The following PPP1R9A variants were observed in gnomAD, a reference collection of about 807,000 sequenced individuals.
PPP1R9A encodes the protein neurabin-1.
A neutral mutation model predicts 141.9 loss-of-function variants in PPP1R9A; 59 were observed. That is an observed-to-expected ratio of 0.42 (90% CI 0.34 to 0.52). PPP1R9A has a LOEUF of 0.52. Among genes scored for constraint, PPP1R9A ranks in the 20% least tolerant of loss-of-function variants. The pLI is 0.10. For synonymous variants in PPP1R9A, 500 were observed against 569.7 expected, an observed-to-expected ratio of 0.88 and a Z score of 1.74; for missense variants, 1,444 against 1,611.9, an observed-to-expected ratio of 0.90 and a Z score of 1.78.
intron 5 of PPP1R9A, among the ~76,000 whole-genome samples, chr7:95,168,065 A>G (rs928743360): frequency 6.6e-6 from 1 of 152,196 alleles, no homozygotes; most frequent in African/African-American, 2.4e-5. Context: ...GTAAGAAACC[A>G]AGTACGGCTC....
chr7:95,079,855 T>C (rs1227743135), intron 2 of PPP1R9A, among the ~76,000 whole-genome samples: 1 of 152,184 alleles, frequency 6.6e-6, no homozygotes, highest in Non-Finnish European at 1.5e-5. Flanking sequence ...ATTATCTCAA[T>C]AGATGCAGAA....
At chr7:95,145,501 A>G (rs181095419) in intron 4 of PPP1R9A, among the ~76,000 whole-genome samples, 46 of 152,354 alleles carry the variant, frequency 3.0e-4, no homozygotes, top group Admixed American at 2.8e-3. Flanking sequence ...CAAAAAATAG[A>G]AAAAAAGTAG....
chr7:95,082,882 A>G (rs1166007288), intron 2 of PPP1R9A, among the ~76,000 whole-genome samples: 1 of 150,468 alleles, frequency 6.6e-6, no homozygotes, highest in Non-Finnish European at 1.5e-5. Context: ...CAGCCTCCCA[A>G]GTAGCTGGGA....
chr7:95,106,608 A>T (rs1326107064), intron 2 of PPP1R9A, among the ~76,000 whole-genome samples: 1 of 152,186 alleles, frequency 6.6e-6, no homozygotes, highest in Non-Finnish European at 1.5e-5. Context: ...GGGCTATTAC[A>T]GATAGTGCTG....
At chr7:95,024,148 CTGT>C (rs548795728) in intron 2 of PPP1R9A, among the ~76,000 whole-genome samples, 174 of 152,106 alleles carry the variant, frequency 1.1e-3, no homozygotes, top group African/African-American at 4.1e-3. Context: ...ATCTGAGAGA[CTGT>C]TAAGATTTCC....
intron 2 of PPP1R9A, among the ~76,000 whole-genome samples, chr7:94,942,847 A>G (rs1795491249): frequency 6.9e-6 from 1 of 145,174 alleles, no homozygotes; most frequent in African/African-American, 2.7e-5. Context: ...ATAAATAAAT[A>G]AATAAATAAA....
chr7:95,280,125 G>A (rs1412643901), intron 16 of PPP1R9A, among the ~76,000 whole-genome samples: 1 of 152,076 alleles, frequency 6.6e-6, no homozygotes, highest in African/African-American at 2.4e-5. Context: ...TATCCATTAG[G>A]GTCTCTAGAT....
intron 2 of PPP1R9A, among the ~76,000 whole-genome samples, chr7:95,088,059 T>C (rs980113775): frequency 2.6e-5 from 4 of 151,984 alleles, no homozygotes; most frequent in African/African-American, 9.7e-5. Flanking sequence ...AGATACACTA[T>C]ATTGTTTGAG....
chr7:94,928,608 C>T (rs1053446353), intron 2 of PPP1R9A, among the ~76,000 whole-genome samples: 1 of 152,212 alleles, frequency 6.6e-6, no homozygotes, highest in Non-Finnish European at 1.5e-5. Context: ...CACCTCACCA[C>T]CTACAGTCAT....
intron 4 of PPP1R9A, among the ~76,000 whole-genome samples, chr7:95,157,524 G>C (rs774274783): frequency 6.6e-6 from 1 of 152,146 alleles, no homozygotes; most frequent in Non-Finnish European, 1.5e-5. Flanking sequence ...AAGGGCTTAC[G>C]CTTGTCCCCT....
chr7:95,111,142 A>G, intron 2 of PPP1R9A, 117 bp from the exon 3 acceptor site: 1 of 1,134,614 alleles, frequency 8.8e-7, no homozygotes, highest in Non-Finnish European at 1.2e-6. Context: ...GATTTTAAAG[A>G]CAAAACAGTT....
At chr7:95,103,159 T>C in intron 2 of PPP1R9A, among the ~76,000 whole-genome samples, 1 of 152,096 alleles carries the variant, frequency 6.6e-6, no homozygotes. Context: ...TTGGATTTGC[T>C]AGTCCCTACT....
At chr7:94,973,617 T>C (rs1016169126) in intron 2 of PPP1R9A, among the ~76,000 whole-genome samples, 10 of 152,242 alleles carry the variant, frequency 6.6e-5, no homozygotes, top group African/African-American at 2.2e-4. Flanking sequence ...GATTAGATAG[T>C]GTCAGAATTA....
At chr7:95,137,199 A>T (rs535580816) in intron 4 of PPP1R9A, among the ~76,000 whole-genome samples, 4 of 151,480 alleles carry the variant, frequency 2.6e-5, no homozygotes, top group African/African-American at 7.3e-5. Flanking sequence ...CTCATCATTT[A>T]CATTAGGTAT....
intron 2 of PPP1R9A, among the ~76,000 whole-genome samples, chr7:94,988,053 G>T (rs1801062754): frequency 6.6e-6 from 1 of 152,038 alleles, no homozygotes; most frequent in African/African-American, 2.4e-5. Flanking sequence ...TGGATCAGAG[G>T]TTCATTACCC....
chr7:95,287,422 T>A (rs2115932959), intron 18 of PPP1R9A, among the ~76,000 whole-genome samples: 1 of 152,298 alleles, frequency 6.6e-6, no homozygotes, highest in African/African-American at 2.4e-5. Flanking sequence ...TGCCTTCATC[T>A]CAGCTTACCC....
intron 2 of PPP1R9A, among the ~76,000 whole-genome samples, chr7:95,087,113 T>A (rs1476094806): frequency 6.6e-6 from 1 of 151,992 alleles, no homozygotes; most frequent in Non-Finnish European, 1.5e-5. Flanking sequence ...TACTGAGTGT[T>A]CAAATTATGG....
intron 2 of PPP1R9A, among the ~76,000 whole-genome samples, chr7:95,103,537 T>G (rs568698442): frequency 6.6e-6 from 1 of 152,000 alleles, no homozygotes; most frequent in Admixed American, 6.6e-5. Context: ...CCAGCTAATT[T>G]TTTTGTATTT....
At chr7:95,244,430 A>T (rs1466098623) in intron 8 of PPP1R9A, among the ~76,000 whole-genome samples, 1 of 152,254 alleles carries the variant, frequency 6.6e-6, no homozygotes, top group African/African-American at 2.4e-5. Flanking sequence ...TGTTTCATAA[A>T]TGTCACACCT....
Sources: gnomAD v4.1 joint callset for allele counts (sites outside exome capture counted in the v4.1 genomes callset) on GRCh38, gnomAD v4.1.1 for gene constraint, MANE v1.5 for transcripts, NCBI Gene and HGNC (gene_info 2026-07-23, HGNC 2026-07-21) for gene names.